The following TYW1B variants were observed in gnomAD, a reference collection of about 807,000 sequenced individuals.
TYW1B encodes S-adenosyl-L-methionine-dependent tRNA 4-demethylwyosine synthase TYW1B.
A neutral mutation model predicts 86.9 loss-of-function variants in TYW1B; 73 were observed. That is an observed-to-expected ratio of 0.84 (90% CI 0.70 to 1.02). The LOEUF is 1.02. Among genes scored for constraint, TYW1B ranks in the 50% least tolerant of loss-of-function variants. The pLI is 0.00. For missense variants in TYW1B, 637 were observed against 827.4 expected (o/e 0.77, Z 2.82); for synonymous variants, 248 against 292.8 (o/e 0.85, Z 1.56).
intron 5 of TYW1B, 86 bp downstream of exon 5, chr7:72,806,980 G>A (rs534797851): frequency 5.3e-6 from 8 of 1,507,568 alleles, no homozygotes; most frequent in East Asian, 2.3e-5. Flanking sequence ...AGAAGCCAAC[G>A]AGATGGTTTA....
chr7:72,617,381 T>A (rs551691528), intron 12 of TYW1B, among the ~76,000 whole-genome samples: 1 of 152,302 alleles, frequency 6.6e-6, no homozygotes, highest in East Asian at 1.9e-4. Flanking sequence ...ATTATCATTA[T>A]TTTTGAGACA....
intron 6 of TYW1B, among the ~76,000 whole-genome samples, chr7:72,786,573 C>CTTTT (rs10630508): frequency 9.3e-6 from 1 of 107,458 alleles, no homozygotes; most frequent in Non-Finnish European, 1.9e-5. Context: ...ATTCTTTTTT[C>CTTTT]TTTTTTTTTT....
chr7:72,762,482 G>T (rs529489588), intron 7 of TYW1B, among the ~76,000 whole-genome samples: 1 of 151,962 alleles, frequency 6.6e-6, no homozygotes, highest in East Asian at 1.9e-4. Context: ...CTGCTGTTAG[G>T]GCCTGAAACT....
At chr7:72,637,333 A>G (rs1404796311) in intron 11 of TYW1B, among the ~76,000 whole-genome samples, 2 of 151,872 alleles carry the variant, frequency 1.3e-5, no homozygotes, top group African/African-American at 4.8e-5. Context: ...TTATAAGTCC[A>G]TGTAGATCAT....
In TYW1B at chr7:72,807,281, C is replaced by T. The variant is rs372474886; in HGVS notation, c.508G>A (p.Asp170Asn). Residue 170 changes from aspartate to asparagine, a missense_variant, in exon 5 of 14, where the codon GAC becomes AAC. Physicochemically the swap from Asp to Asn is conservative, Grantham distance 23. Coordinates refer to ENST00000620995, the MANE Select transcript of TYW1B (RefSeq NM_001145440.3). ...RVMSRGEGDC[D>N]VVKSKHGSIE... ...CTGCCGTGCTTGCTTTTAACCACGT[C>T]GCAGTCGCCCTCCCCTCGACTCATC... The T allele has an allele frequency of 1.4e-5, 22 of 1,614,040 alleles. No homozygotes were observed. In the Admixed American group the frequency reaches 1.7e-4, roughly 12 times the overall value.
chr7:72,805,338 C>A (rs1403307388), intron 5 of TYW1B, among the ~76,000 whole-genome samples: 2 of 149,430 alleles, frequency 1.3e-5, no homozygotes, highest in South Asian at 2.1e-4. Flanking sequence ...AAAGGCCAGG[C>A]ACAGTTGCTC....
intron 3 of TYW1B, among the ~76,000 whole-genome samples, chr7:72,812,759 G>C (rs1788645617): frequency 6.7e-6 from 1 of 148,988 alleles, no homozygotes; most frequent in Non-Finnish European, 1.5e-5. Context: ...GCAGTGGCAT[G>C]ATCTCAGCTC....
intron 11 of TYW1B, among the ~76,000 whole-genome samples, chr7:72,640,462 A>G (rs1812776601): frequency 6.6e-6 from 1 of 152,056 alleles, no homozygotes; most frequent in Non-Finnish European, 1.5e-5. Flanking sequence ...ATATAAAGAT[A>G]CAAAAAAGGC....
At chr7:72,744,406 G>A in intron 8 of TYW1B, 78 bp downstream of exon 8, 1 of 1,396,382 alleles carries the variant, frequency 7.2e-7, no homozygotes. Flanking sequence ...TCTTGGGTAA[G>A]TCTGAGTGTG....
At chr7:72,809,963 G>A (rs1788572465) in intron 4 of TYW1B, among the ~76,000 whole-genome samples, 1 of 144,928 alleles carries the variant, frequency 6.9e-6, no homozygotes, top group Non-Finnish European at 1.5e-5. Flanking sequence ...TCACGCCACT[G>A]CACTCCAGCT....
At chr7:72,597,996 A>G (rs1243712249) in intron 13 of TYW1B, among the ~76,000 whole-genome samples, 1 of 152,220 alleles carries the variant, frequency 6.6e-6, no homozygotes, top group Admixed American at 6.5e-5. Context: ...TCATGAGGAC[A>G]GATTCGCACA....
intron 13 of TYW1B, among the ~76,000 whole-genome samples, chr7:72,595,699 A>C (rs1484344184): frequency 2.6e-5 from 4 of 152,116 alleles, no homozygotes; most frequent in African/African-American, 9.7e-5. Flanking sequence ...TAAATAAATA[A>C]ATATAAATAA....
intron 6 of TYW1B, among the ~76,000 whole-genome samples, chr7:72,785,950 T>C (rs1264502697): frequency 2.0e-5 from 3 of 151,918 alleles, no homozygotes; most frequent in African/African-American, 7.3e-5. Context: ...CTGTCTCTAC[T>C]AAAAATACAA....
At chr7:72,630,005 G>A (rs1812443692) in intron 11 of TYW1B, among the ~76,000 whole-genome samples, 1 of 152,208 alleles carries the variant, frequency 6.6e-6, no homozygotes, top group African/African-American at 2.4e-5. Context: ...AAGGCCAGGT[G>A]TGGTGGCTCA....
chr7:72,713,703 T>C lies in TYW1B; in HGVS notation c.1288A>G (p.Ile430Val). 6.2e-7 allele frequency: 1 copy of C among 1,613,904 alleles called. No homozygotes were observed. Among genetic ancestry groups the C allele is most frequent in the South Asian group, 1.1e-5 (1 of 91,018 alleles). ...TGGAGTAGCTTCAAAAACCTGTTGATCTCTGGGTACATTATTGGTTCTCCC... is the reference window on the plus strand; with the variant it reads ...TGGAGTAGCTTCAAAAACCTGTTGACCTCTGGGTACATTATTGGTTCTCCC... Reference protein sequence around the residue: ...LVGEPIMYPEINRFLKLLHQC... With the variant: ...LVGEPIMYPEVNRFLKLLHQC... The change falls in exon 10 of 14, where the codon ATC (isoleucine) becomes GTC (valine). Residue 430 changes from isoleucine (I) to valine (V), a missense_variant. Ile to Val is a conservative substitution (Grantham distance 29, BLOSUM62 3). Coordinates refer to ENST00000620995, the MANE Select transcript of TYW1B (RefSeq NM_001145440.3).
chr7:72,625,334 C>T (rs1434663202), intron 12 of TYW1B, among the ~76,000 whole-genome samples: 3 of 152,018 alleles, frequency 2.0e-5, no homozygotes, highest in Admixed American at 6.6e-5. Context: ...AGCATCTTAG[C>T]TAGGCCAGGT....
chr7:72,607,769 G>A (rs1236296325), intron 13 of TYW1B, among the ~76,000 whole-genome samples: 35 of 151,994 alleles, frequency 2.3e-4, no homozygotes, highest in Admixed American at 2.2e-3. Context: ...AGAGAAATAA[G>A]ATGAGGCTGA....
chr7:72,580,960 A>G (rs1328907158), intron 13 of TYW1B, among the ~76,000 whole-genome samples: 4 of 120,748 alleles, frequency 3.3e-5, no homozygotes, highest in Admixed American at 1.9e-4. Flanking sequence ...ATTCAGCCCA[A>G]ATTATGCTTT....
At chr7:72,746,215 T>G (rs1472044835) in intron 7 of TYW1B, among the ~76,000 whole-genome samples, 1 of 152,094 alleles carries the variant, frequency 6.6e-6, no homozygotes, top group Non-Finnish European at 1.5e-5. Flanking sequence ...CCATGATGCC[T>G]TTTAACTATT....
Sources: allele counts gnomAD v4.1 joint callset (sites outside exome capture counted in the v4.1 genomes callset), GRCh38; gene constraint gnomAD v4.1.1; transcripts MANE v1.5; gene names NCBI Gene and HGNC (gene_info 2026-07-23, HGNC 2026-07-21).